Variants in SRCAP observed in about 807,000 individuals in gnomAD.
The protein encoded by SRCAP is Snf2 related CREBBP activator protein.
In SRCAP, 46 loss-of-function variants were observed where a neutral mutation model predicts 263.1. The observed-to-expected ratio is 0.17, with a 90% CI of 0.14 to 0.22. The LOEUF is 0.22. SRCAP is among the 10% of genes least tolerant of loss of function. The probability of loss-of-function intolerance (pLI) is 1.00; values close to 1 mark genes in which losing one functional copy is unlikely to be tolerated. For missense variants in SRCAP, 3,695 were observed against 4,181.9 expected (o/e 0.88, Z 3.21); for synonymous variants, 1,813 against 1,662.1 (o/e 1.09, Z -2.21).
chr16:30,725,694 G>A (rs2053057602), intron 25 of SRCAP: 1 of 152,502 alleles, frequency 6.6e-6, no homozygotes, highest in African/African-American at 2.4e-5. Flanking sequence ...TCTGCAAGTA[G>A]ATAATAGCCT....
In SRCAP at chr16:30,713,571, C is replaced by T; in HGVS notation, c.2353C>T (p.Leu785=). 1 of 1,614,212 alleles carries T rather than the reference C, an allele frequency of 6.2e-7. No individual in the cohort carries two copies. Among genetic ancestry groups the T allele is most frequent in the South Asian group, 1.1e-5 (1 of 91,088 alleles). The change falls in exon 16 of 34, where the codon CTG becomes TTG. Residue 785 remains leucine (L), a synonymous_variant. Coordinates refer to ENST00000262518, the MANE Select transcript of SRCAP (RefSeq NM_006662.3). ...TCCCTTGCAGAACAGCCTCATGGAG[C>T]TGTGGTCCTTGATGCACTTTTTGAT... is the stretch of plus-strand genomic sequence containing the variant. ...GTPLQNSLME[L]WSLMHFLMPH... is the part of the protein sequence containing the mutation.
At chr16:30,700,927 T>TGA (rs771737608) in intron 3 of SRCAP, 49 bp downstream of exon 3, 1 of 1,590,064 alleles carries the variant, frequency 6.3e-7, no homozygotes, top group Non-Finnish European at 8.6e-7. Flanking sequence ...TGTGGATTGT[T>TGA]GAGTGTGAGG....
At chr16:30,717,210 G>A (rs1326737057) in intron 18 of SRCAP, among the ~76,000 whole-genome samples, 1 of 152,024 alleles carries the variant, frequency 6.6e-6, no homozygotes, top group Non-Finnish European at 1.5e-5. Context: ...AGTGATGAGT[G>A]CTGTCAAGGA....
At chr16:30,730,722 G>A (rs1332182319) in intron 27 of SRCAP, among the ~76,000 whole-genome samples, 5 of 142,486 alleles carry the variant, frequency 3.5e-5, no homozygotes, top group East Asian at 2.1e-4. Flanking sequence ...GAACCACTGC[G>A]CCCAGCCTTT....
Position 30,739,081 on chromosome 16 carries a change from C to G in SRCAP, c.9041C>G (p.Pro3014Arg). Residue 3014 changes from proline to arginine, a missense_variant, in exon 34 of 34, where the codon CCT (proline) becomes CGT (arginine). This residue lies in a region of SRCAP where 1,207 missense variants were observed against 1,142.9 expected (regional missense o/e 1.06). Coordinates refer to ENST00000262518, the MANE Select transcript of SRCAP (RefSeq NM_006662.3). ...AAGAGGGGCCGACCTCCCAAGAATCCTCCATCACCTCGGCCCAGCCAGCTC... is the reference window on the plus strand; with the variant it reads ...AAGAGGGGCCGACCTCCCAAGAATCGTCCATCACCTCGGCCCAGCCAGCTC... ...KRKRGRPPKNPPSPRPSQLPV... is the reference protein window; with the variant it reads ...KRKRGRPPKNRPSPRPSQLPV... 1 of 1,614,244 alleles carries G rather than the reference C, an allele frequency of 6.2e-7. No homozygotes were observed. The highest frequency in any genetic ancestry group is 8.5e-7 in the Non-Finnish European group (1 of 1,180,040).
At chr16:30,715,483 T>C (rs1299203694) in intron 16 of SRCAP, among the ~76,000 whole-genome samples, 2 of 151,350 alleles carry the variant, frequency 1.3e-5, no homozygotes, top group Non-Finnish European at 2.9e-5. Context: ...GAGAATGGCA[T>C]GAACCCGGGA....
chr16:30,729,582 T>C lies in SRCAP; in HGVS notation c.6127+10T>C, dbSNP rs1211232184. On this transcript the variant is annotated intron_variant, in intron 27 of 33. Transcript: ENST00000262518. ...ATCCAGTATGATTGCGGTGAGTTTG[T>C]TGGCCAGTGTAGGACCCTTGACTTC... The C allele has an allele frequency of 1.2e-6, 2 of 1,614,200 alleles. No individual in the cohort carries two copies. The highest frequency in any genetic ancestry group is 1.7e-6 in the Non-Finnish European group (2 of 1,180,026).
chr16:30,711,974 G>A lies in SRCAP; in HGVS notation c.1632G>A (p.Glu544=). ...CACAGAGCCAAGCAGATGAAGAGGA[G>A]GAAGATGATGATTTTGGGGTGGAGT... ...AQSQSQADEE[E]EDDDFGVEYL... The change falls in exon 12 of 34, where the codon GAG becomes GAA. Residue 544 remains glutamate, a synonymous_variant. Coordinates refer to ENST00000262518, the MANE Select transcript of SRCAP (RefSeq NM_006662.3). 4 of 1,614,020 alleles carry A rather than the reference G, an allele frequency of 2.5e-6. No individual in the cohort carries two copies. The highest frequency in any genetic ancestry group is 3.4e-6 in the Non-Finnish European group (4 of 1,180,008).
intron 30 of SRCAP, chr16:30,734,228 A>AGCT: frequency 1.6e-6 from 1 of 624,656 alleles, no homozygotes; most frequent in Non-Finnish European, 2.7e-6. Context: ...CTGTAATCCC[A>AGCT]GCTGCTTGGA....
At position 30,733,887 on chromosome 16, in the gene SRCAP, C is replaced by T; in HGVS notation, c.6495-7C>T. ...GCTGCTTACACACGGCCTTCATCAC[C>T]CCCTAGGCTTATCAGTGAACGGACA... On this transcript the variant is annotated splice_polypyrimidine_tract_variant and splice_region_variant and intron_variant, in intron 29 of 33. Transcript: ENST00000262518. The surrounding 1 kb of genome is among the most constrained non-coding windows in gnomAD (Gnocchi z 5.3). 1 of 1,613,914 alleles carries T rather than the reference C, an allele frequency of 6.2e-7. No homozygotes were observed. The highest frequency in any genetic ancestry group is 1.1e-5 in the South Asian group (1 of 91,074).
chr16:30,712,424 T>A lies in SRCAP; in HGVS notation c.1978T>A (p.Leu660Met), dbSNP rs1296898564. 1 of 1,579,286 alleles carries A rather than the reference T, an allele frequency of 6.3e-7. No homozygotes were observed. Among genetic ancestry groups the A allele is most frequent in the Non-Finnish European group, 8.6e-7 (1 of 1,164,828 alleles). ...TIQTISLLAH[L>M]ACEKGNWGPH... Reference sequence around the variant, plus strand: ...CCAGACCATCTCTCTGCTTGCCCACTTGGCTTGTGAGAAAGGTAAGTAGGC... The same window carrying A: ...CCAGACCATCTCTCTGCTTGCCCACATGGCTTGTGAGAAAGGTAAGTAGGC... The change falls in exon 13 of 34, where the codon TTG (leucine) becomes ATG (methionine). Residue 660 changes from leucine to methionine, a missense_variant. By Grantham distance (15) the Leu-to-Met change is conservative (BLOSUM62 2). Transcript: ENST00000262518.
intron 19 of SRCAP, 127 bp from the exon 20 acceptor site, chr16:30,720,586 C>T: frequency 1.7e-6 from 2 of 1,198,836 alleles, no homozygotes; most frequent in South Asian, 1.5e-5. Context: ...CCTTGTTCTC[C>T]TTTGGGTCTC....
Position 30,739,108 on chromosome 16 carries a change from C to G in SRCAP, c.9068C>G (p.Pro3023Arg). 1 of 1,614,220 alleles carries G rather than the reference C, an allele frequency of 6.2e-7. No homozygotes were observed. ...NPPSPRPSQL[P>R]VLDRDSTSVL... Reference sequence around the variant, plus strand: ...CCATCACCTCGGCCCAGCCAGCTCCCCGTCTTGGACCGTGACAGCACTTCT... The same window carrying G: ...CCATCACCTCGGCCCAGCCAGCTCCGCGTCTTGGACCGTGACAGCACTTCT... The change falls in exon 34 of 34, where the codon CCC becomes CGC. Residue 3023 changes from proline to arginine, a missense_variant. This residue lies in a region of SRCAP where 1,207 missense variants were observed against 1,142.9 expected (regional missense o/e 1.06). Transcript: ENST00000262518.
intron 6 of SRCAP, among the ~76,000 whole-genome samples, chr16:30,708,771 C>G (rs1212105136): frequency 6.6e-6 from 1 of 152,220 alleles, no homozygotes; most frequent in Non-Finnish European, 1.5e-5. Flanking sequence ...TCAAGCGATC[C>G]TCTCACTTTG....
chr16:30,712,112 A>T lies in SRCAP; in HGVS notation c.1770A>T (p.Ala590=), dbSNP rs759174701. 1.8e-5 allele frequency: 29 copies of T among 1,614,070 alleles called. No homozygotes were observed. The highest frequency in any genetic ancestry group is 2.5e-5 in the Non-Finnish European group (29 of 1,180,028). The change falls in exon 12 of 34, where the codon GCA becomes GCT. Residue 590 remains alanine (A), a synonymous_variant. Coordinates refer to ENST00000262518, the MANE Select transcript of SRCAP (RefSeq NM_006662.3). The part of the protein sequence containing the change: ...PKKEITDIAA[A]AESLQPKGYT... ...AAGAAATTACTGACATTGCTGCAGC[A>T]GCTGAAAGTCTCCAGCCCAAGGGTT...
chr16:30,722,366 G>C, intron 22 of SRCAP, 80 bp downstream of exon 22: 1 of 1,557,712 alleles, frequency 6.4e-7, no homozygotes, highest in Non-Finnish European at 8.7e-7. Context: ...TTGAATGTCA[G>C]CCTTTATGTT....
rs1567254631 is a variant in SRCAP, at chr16:30,738,742, T to C, written c.8702T>C (p.Leu2901Pro). ...GACCCAGTCCCTGGGCCTGAGACCCTAATTGTTGCAGATCCTGTCCTGGAA... is the reference window on the plus strand; with the variant it reads ...GACCCAGTCCCTGGGCCTGAGACCCCAATTGTTGCAGATCCTGTCCTGGAA... ...GADPVPGPET[L>P]IVADPVLEPQ... Residue 2901 changes from leucine to proline, a missense_variant, in exon 34 of 34, where the codon CTA becomes CCA. Physicochemically the swap from Leu to Pro is moderately conservative, Grantham distance 98. This residue lies in a region of SRCAP where 1,207 missense variants were observed against 1,142.9 expected (regional missense o/e 1.06). Transcript: ENST00000262518. 1.2e-6 allele frequency: 2 copies of C among 1,614,088 alleles called. No individual in the cohort carries two copies. The highest frequency in any genetic ancestry group is 1.7e-5 in the Admixed American group (1 of 60,018).
At chr16:30,713,434 C>T (rs1387745318) in intron 15 of SRCAP, 57 bp downstream of exon 15, 6 of 1,611,344 alleles carry the variant, frequency 3.7e-6, no homozygotes, top group Non-Finnish European at 5.1e-6. Context: ...GGGAGGGCTG[C>T]CTGGGTTGAG....
intron 6 of SRCAP, among the ~76,000 whole-genome samples, chr16:30,709,168 G>A (rs556982131): frequency 6.6e-6 from 1 of 152,052 alleles, no homozygotes; most frequent in African/African-American, 2.4e-5. Context: ...GGTGATGCAT[G>A]CCTGTAGTTC....
Sources: gnomAD v4.1 joint callset for allele counts (sites outside exome capture counted in the v4.1 genomes callset) on GRCh38, gnomAD v4.1.1 for gene constraint, gnomAD v4.1.1 regional missense constraint, Gnocchi (gnomAD v3.1) non-coding constraint, MANE v1.5 for transcripts, NCBI Gene and HGNC (gene_info 2026-07-23, HGNC 2026-07-21) for gene names.